The following GABRA3 variants were observed in gnomAD, a reference collection of about 807,000 sequenced individuals.
GABRA3 encodes the protein gamma-aminobutyric acid receptor subunit alpha-3.
GABRA3 carries 10 observed loss-of-function variants against 30.1 expected under a neutral mutation model. The observed-to-expected ratio is 0.33, with a 90% CI of 0.20 to 0.56. GABRA3 has a LOEUF of 0.56. Among genes scored for constraint, GABRA3 ranks in the 20% least tolerant of loss-of-function variants. The pLI, the probability that GABRA3 is intolerant of heterozygous loss-of-function variation, is 0.89. For synonymous variants in GABRA3, 151 were observed against 146.8 expected, an observed-to-expected ratio of 1.03 and a Z score of -0.21; for missense variants, 233 against 392.0, an observed-to-expected ratio of 0.59 and a Z score of 3.42.
chrX:152,274,121 G>C (rs1938998597), intron 4 of GABRA3, among the ~76,000 whole-genome samples: 1 of 111,411 alleles, frequency 9.0e-6, no homozygotes, highest in Admixed American at 9.6e-5. Flanking sequence ...TACACTAACA[G>C]ATGGAGTATC....
At chrX:152,432,719 G>T in intron 1 of GABRA3, among the ~76,000 whole-genome samples, 1 of 111,268 alleles carries the variant, frequency 9.0e-6, no homozygotes, top group Non-Finnish European at 1.9e-5. Flanking sequence ...CTTATCTTCT[G>T]CAAACAGTTC....
At chrX:152,437,867 A>T (rs958105325) in intron 1 of GABRA3, among the ~76,000 whole-genome samples, 3 of 112,221 alleles carry the variant, frequency 2.7e-5, no homozygotes, top group African/African-American at 6.5e-5. Context: ...AAATTAGCTC[A>T]ACATGGGTCA....
intron 1 of GABRA3, among the ~76,000 whole-genome samples, chrX:152,371,727 T>A (rs1928847164): frequency 9.0e-6 from 1 of 111,394 alleles, no homozygotes; most frequent in African/African-American, 3.3e-5. Context: ...TCTATATCAA[T>A]CAAGTATTTT....
intron 1 of GABRA3, among the ~76,000 whole-genome samples, chrX:152,379,175 A>G (rs898251153): frequency 8.9e-6 from 1 of 111,766 alleles, no homozygotes; most frequent in Non-Finnish European, 1.9e-5. Context: ...ACACATTTAA[A>G]AAATCTCACT....
At chrX:152,399,195 C>T (rs1603254481) in intron 1 of GABRA3, among the ~76,000 whole-genome samples, 1 of 111,446 alleles carries the variant, frequency 9.0e-6, no homozygotes, top group East Asian at 2.8e-4. Context: ...GAGTATAATG[C>T]TCAAACAGAC....
At chrX:152,213,420 A>G (rs1937659216) in intron 6 of GABRA3, among the ~76,000 whole-genome samples, 1 of 111,654 alleles carries the variant, frequency 9.0e-6, no homozygotes, top group African/African-American at 3.3e-5. Context: ...CATGCTATGA[A>G]GAAAATAGAG....
chrX:152,382,371 C>T (rs1039827071), intron 1 of GABRA3, among the ~76,000 whole-genome samples: 4 of 111,938 alleles, frequency 3.6e-5, no homozygotes, highest in Non-Finnish European at 7.5e-5. Flanking sequence ...GACAGTGTGG[C>T]GATTCCTGAA....
intron 5 of GABRA3, among the ~76,000 whole-genome samples, chrX:152,230,636 G>A (rs1452524821): frequency 1.8e-5 from 2 of 110,842 alleles, no homozygotes; most frequent in Non-Finnish European, 3.8e-5. Context: ...GAAAAAAATA[G>A]AAAATCCAGA....
At chrX:152,410,966 C>T (rs915217023) in intron 1 of GABRA3, among the ~76,000 whole-genome samples, 1 of 110,868 alleles carries the variant, frequency 9.0e-6, no homozygotes, top group Admixed American at 9.6e-5. Context: ...GGAAACCAGG[C>T]GAAAAATGTC....
At chrX:152,433,623 G>C (rs1930702059) in intron 1 of GABRA3, among the ~76,000 whole-genome samples, 1 of 99,722 alleles carries the variant, frequency 1.0e-5, no homozygotes, top group South Asian at 4.4e-4. Flanking sequence ...TGAAAATGAA[G>C]AGCAAATTAA....
intron 4 of GABRA3, among the ~76,000 whole-genome samples, chrX:152,284,280 C>A (rs1416669224): frequency 1.8e-5 from 2 of 111,724 alleles, no homozygotes; most frequent in African/African-American, 3.3e-5. Flanking sequence ...TCTTGGATGA[C>A]ACCACCAGCT....
chrX:152,424,679 C>T (rs925554325), intron 1 of GABRA3, among the ~76,000 whole-genome samples: 5 of 111,279 alleles, frequency 4.5e-5, no homozygotes, highest in Non-Finnish European at 9.4e-5. Flanking sequence ...CCATCACCAT[C>T]GCCAGCTACC....
At chrX:152,209,412 C>T (rs2124367421) in intron 6 of GABRA3, among the ~76,000 whole-genome samples, 1 of 111,473 alleles carries the variant, frequency 9.0e-6, no homozygotes, top group South Asian at 3.8e-4. Context: ...CACCCAGGCT[C>T]ATAAAGGGAA....
intron 2 of GABRA3, among the ~76,000 whole-genome samples, chrX:152,361,092 A>T (rs1485376749): frequency 5.1e-5 from 4 of 78,641 alleles, no homozygotes; most frequent in African/African-American, 1.2e-4. Flanking sequence ...CCACGTCTTT[A>T]AAAAAAAAAA....
intron 3 of GABRA3, among the ~76,000 whole-genome samples, chrX:152,327,040 C>G (rs1940073750): frequency 9.3e-6 from 1 of 107,921 alleles, no homozygotes. Flanking sequence ...AAAAAAAAAG[C>G]AGGGGTTGCA....
chrX:152,187,829 A>G (rs972302325), intron 9 of GABRA3, among the ~76,000 whole-genome samples: 1 of 112,480 alleles, frequency 8.9e-6, no homozygotes, highest in Non-Finnish European at 1.9e-5. Flanking sequence ...AATTGAAGAC[A>G]AACTATCATG....
chrX:152,345,450 A>G, intron 3 of GABRA3, 131 bp downstream of exon 3: 2 of 667,581 alleles, frequency 3.0e-6, no homozygotes, highest in South Asian at 3.7e-5. Context: ...TAGTGCTCAT[A>G]GGGAAGAAAT....
At chrX:152,219,837 T>TATACTATAGGCATAGA (rs1445439763) in intron 6 of GABRA3, among the ~76,000 whole-genome samples, 3 of 89,809 alleles carry the variant, frequency 3.3e-5, no homozygotes, top group African/African-American at 1.8e-4. Context: ...TAAAGCACTA[T>TATACTATAGGCATAGA]ATACTATACA....
intron 3 of GABRA3, among the ~76,000 whole-genome samples, chrX:152,308,909 C>T (rs1025549968): frequency 8.9e-6 from 1 of 111,910 alleles, no homozygotes; most frequent in Admixed American, 9.5e-5. Context: ...CATACAAGAG[C>T]TGAAAGATGA....
Sources: allele counts gnomAD v4.1 joint callset (sites outside exome capture counted in the v4.1 genomes callset), GRCh38; gene constraint gnomAD v4.1.1; transcripts MANE v1.5; gene names NCBI Gene and HGNC (gene_info 2026-07-23, HGNC 2026-07-21).